Variants in SFMBT1 observed in about 807,000 individuals in gnomAD.
SFMBT1 encodes scm-like with four MBT domains protein 1.
Under a neutral mutation model 108.7 loss-of-function variants are expected in SFMBT1, and 32 were observed. The ratio of observed to expected loss-of-function variants is 0.29; its 90% CI spans 0.22 to 0.40. SFMBT1 has a LOEUF of 0.40. SFMBT1 is among the 10% of genes least tolerant of loss of function. SFMBT1 has a pLI of 1.00. For missense variants in SFMBT1, 816 were observed against 1,059.6 expected, an observed-to-expected ratio of 0.77 and a Z score of 3.19; for synonymous variants, 348 against 369.5, an observed-to-expected ratio of 0.94 and a Z score of 0.67.
intron 1 of SFMBT1, among the ~76,000 whole-genome samples, chr3:53,012,491 C>T (rs910198096): frequency 6.6e-6 from 1 of 152,062 alleles, no homozygotes; most frequent in Non-Finnish European, 1.5e-5. Flanking sequence ...CAAGCTCCGC[C>T]TCCCGGATTC....
chr3:53,011,123 T>C (rs1477757237), intron 1 of SFMBT1, among the ~76,000 whole-genome samples: 2 of 152,108 alleles, frequency 1.3e-5, no homozygotes, highest in Non-Finnish European at 2.9e-5. Context: ...TTTTCAAAAT[T>C]AGCTGCCAAA....
intron 1 of SFMBT1, among the ~76,000 whole-genome samples, chr3:52,994,682 T>C (rs1447496710): frequency 6.7e-6 from 1 of 150,150 alleles, no homozygotes; most frequent in Non-Finnish European, 1.5e-5. Flanking sequence ...ATATTTTTAG[T>C]AGAGATGGGG....
At chr3:52,917,879 C>T (rs905364010) in intron 13 of SFMBT1, among the ~76,000 whole-genome samples, 6 of 152,050 alleles carry the variant, frequency 3.9e-5, no homozygotes, top group African/African-American at 1.4e-4. Context: ...CGTTGGGGAC[C>T]GCTGGTTTAA....
intron 9 of SFMBT1, 80 bp from the exon 10 acceptor site, chr3:52,926,193 A>T (rs1483509136): frequency 8.0e-7 from 1 of 1,242,336 alleles, no homozygotes; most frequent in Non-Finnish European, 1.1e-6. Context: ...CCAAGGGTCC[A>T]CTCACAACTT....
At chr3:53,008,340 T>C (rs1385102947) in intron 1 of SFMBT1, among the ~76,000 whole-genome samples, 3 of 152,228 alleles carry the variant, frequency 2.0e-5, no homozygotes, top group African/African-American at 4.8e-5. Context: ...TTTTCTCTAC[T>C]GTACTTGTAA....
chr3:52,996,499 C>T (rs138985988), intron 1 of SFMBT1, among the ~76,000 whole-genome samples: 8 of 150,204 alleles, frequency 5.3e-5, no homozygotes, highest in South Asian at 2.1e-4. Context: ...AGGCATGAGG[C>T]ACCACACCCG....
chr3:52,917,505 T>C (rs1702395289), intron 13 of SFMBT1, among the ~76,000 whole-genome samples: 1 of 152,134 alleles, frequency 6.6e-6, no homozygotes, highest in South Asian at 2.1e-4. Flanking sequence ...ACCAGCACCT[T>C]GATCTTGGAT....
At chr3:52,954,104 G>A (rs1037856853) in intron 3 of SFMBT1, among the ~76,000 whole-genome samples, 13 of 151,364 alleles carry the variant, frequency 8.6e-5, no homozygotes, top group Admixed American at 6.6e-4. Flanking sequence ...CAGCCTGGGC[G>A]ACAAAGCGAG....
At chr3:53,020,357 T>TC (rs1432863526) in intron 1 of SFMBT1, among the ~76,000 whole-genome samples, 3 of 150,856 alleles carry the variant, frequency 2.0e-5, no homozygotes, top group Non-Finnish European at 4.4e-5. Context: ...ACCACTGCAC[T>TC]CCCGCCTGGG....
rs977406287 is a variant in SFMBT1, at chr3:52,945,650, A to AC, written c.124-2058_124-2057insG. Reference sequence around the variant, plus strand: ...GTGAAACCGTCTCTACTAAAAACACAAAAAAAATTAGCCAAGCATGGTGGC... The same window carrying AC: ...GTGAAACCGTCTCTACTAAAAACACACAAAAAAATTAGCCAAGCATGGTGGC... On this transcript the variant is annotated intron_variant, in intron 3 of 20. Coordinates refer to ENST00000394752, the MANE Select transcript of SFMBT1 (RefSeq NM_016329.4). Among the ~76,000 whole-genome samples, 136 of 19,968 alleles carry AC rather than the reference A, an allele frequency of 6.8e-3. 1 individual carries two copies. The highest frequency in any genetic ancestry group is 8.2e-3 in the Non-Finnish European group (34 of 4,162). The allele number at this position is 19,968 out of a possible 152,430, so 13.1% of individuals were successfully genotyped here.
At chr3:53,023,343 T>G (rs1223268316) in intron 1 of SFMBT1, among the ~76,000 whole-genome samples, 1 of 152,182 alleles carries the variant, frequency 6.6e-6, no homozygotes, top group Non-Finnish European at 1.5e-5. Context: ...AGAGGCTGAG[T>G]TCAGTTTTGT....
intron 1 of SFMBT1, among the ~76,000 whole-genome samples, chr3:53,006,698 G>A (rs1399707507): frequency 2.0e-5 from 3 of 152,036 alleles, no homozygotes; most frequent in Middle Eastern, 3.4e-3. Flanking sequence ...TTATATAAGG[G>A]TCTTGAGCAT....
At chr3:52,984,290 A>G (rs763001371) in intron 1 of SFMBT1, among the ~76,000 whole-genome samples, 1 of 152,228 alleles carries the variant, frequency 6.6e-6, no homozygotes, top group African/African-American at 2.4e-5. Context: ...CAACAAAAGT[A>G]TAATTACTAT....
chr3:52,953,717 T>C (rs534006506), intron 3 of SFMBT1, among the ~76,000 whole-genome samples: 1 of 152,296 alleles, frequency 6.6e-6, no homozygotes, highest in Non-Finnish European at 1.5e-5. Flanking sequence ...AGTACAATAA[T>C]TTTTTTCAAT....
At position 52,907,115 on chromosome 3, in the gene SFMBT1, C is replaced by T. The variant is rs748976524; in HGVS notation, c.2285G>A (p.Arg762His). ...TTCATCGTCAGAAAATGAAAAGGTG[C>T]GAAGCTCCCTTTTTCTCCTTTGTCT... Reference protein sequence around the residue: ...PDRQRRKRELRTFSFSDDENK... With the variant: ...PDRQRRKRELHTFSFSDDENK... Residue 762 changes from arginine to histidine, a missense_variant, in exon 19 of 21, where the codon CGC becomes CAC. Transcript: ENST00000394752. The T allele has an allele frequency of 3.8e-5, 62 of 1,613,934 alleles. No individual in the cohort carries two copies. Among genetic ancestry groups the T allele is most frequent in the Non-Finnish European group, 4.4e-5 (52 of 1,179,988 alleles).
intron 1 of SFMBT1, among the ~76,000 whole-genome samples, chr3:52,991,523 T>G (rs1342085115): frequency 6.6e-6 from 1 of 152,026 alleles, no homozygotes; most frequent in East Asian, 1.9e-4. Context: ...TTTTGTATCT[T>G]TAGTAGAGAC....
chr3:52,921,578 T>C (rs1702520097), intron 11 of SFMBT1, 127 bp downstream of exon 11: 4 of 1,071,566 alleles, frequency 3.7e-6, no homozygotes, highest in Admixed American at 5.3e-5. Flanking sequence ...AGTCTTGCAT[T>C]ACAAAAGTCT....
intron 4 of SFMBT1, among the ~76,000 whole-genome samples, chr3:52,938,986 G>C (rs918217211): frequency 6.6e-6 from 1 of 152,178 alleles, no homozygotes; most frequent in African/African-American, 2.4e-5. Context: ...AGTTTGGCTA[G>C]ATATAAAATC....
intron 3 of SFMBT1, among the ~76,000 whole-genome samples, chr3:52,948,825 A>ATTTTCTTTT (rs1703468703): frequency 1.3e-5 from 1 of 78,284 alleles, no homozygotes; most frequent in African/African-American, 4.9e-5. Context: ...CTAATTTTTA[A>ATTTTCTTTT]TTTTTTTTTT....
Sources: allele counts gnomAD v4.1 joint callset (sites outside exome capture counted in the v4.1 genomes callset), GRCh38; gene constraint gnomAD v4.1.1; transcripts MANE v1.5; gene names NCBI Gene and HGNC (gene_info 2026-07-23, HGNC 2026-07-21).